The following UGT3A2 variants were observed in gnomAD, a reference collection of about 807,000 sequenced individuals.
UGT3A2 encodes the protein UDP-glycosyltransferase 3A2.
A neutral mutation model predicts 39.8 loss-of-function variants in UGT3A2; 32 were observed. The ratio of observed to expected loss-of-function variants is 0.80; its 90% CI spans 0.61 to 1.08. The LOEUF (loss-of-function observed/expected upper bound fraction) is 1.08, where lower values mean the gene tolerates loss of function less well. Ranked by LOEUF, UGT3A2 falls within the 50% of genes least tolerant of loss-of-function variation. The probability of loss-of-function intolerance (pLI) is 0.00; values close to 1 mark genes in which losing one functional copy is unlikely to be tolerated. For synonymous variants in UGT3A2, 241 were observed against 230.7 expected (o/e 1.04, Z -0.40); for missense variants, 611 against 637.1 (o/e 0.96, Z 0.44).
intron 2 of UGT3A2, among the ~76,000 whole-genome samples, chr5:36,059,234 C>T (rs1048581576): frequency 3.9e-5 from 6 of 152,124 alleles, no homozygotes; most frequent in African/African-American, 1.4e-4. Context: ...AACCCCATTA[C>T]AAGTCTGCTG....
intron 2 of UGT3A2, among the ~76,000 whole-genome samples, chr5:36,053,158 G>A (rs1483469028): frequency 6.6e-6 from 1 of 152,176 alleles, no homozygotes; most frequent in Non-Finnish European, 1.5e-5. Flanking sequence ...CCTCCTCTGA[G>A]GAGATTCATT....
intron 4 of UGT3A2, 32 bp from the exon 5 acceptor site, chr5:36,039,740 C>A: frequency 1.9e-6 from 3 of 1,594,560 alleles, no homozygotes; most frequent in East Asian, 4.5e-5. Flanking sequence ...AAAGAGGTGA[C>A]AAAATTATTG....
In UGT3A2 at chr5:36,035,543, G is replaced by A. The variant is rs1299535507; in HGVS notation, c.*155C>T. 1.8e-6 allele frequency: 2 copies of A among 1,128,088 alleles called. No individual in the cohort carries two copies. Among genetic ancestry groups the A allele is most frequent in the Non-Finnish European group, 2.5e-6 (2 of 807,198 alleles). The allele number at this position is 1,128,088 out of a possible 1,614,324, so 69.9% of individuals were successfully genotyped here. Reference sequence around the variant, plus strand: ...GATGAATTTGTAGCAAAATTAGCAAGTGGAAAGGATGATTTTTGGCCATTT... The same window carrying A: ...GATGAATTTGTAGCAAAATTAGCAAATGGAAAGGATGATTTTTGGCCATTT... On this transcript the variant is annotated 3_prime_UTR_variant, in exon 7 of 7. Transcript: ENST00000282507.
rs1741819536 is a variant in UGT3A2 at position 36,036,082 on chromosome 5, G to T, written c.1296-108C>A. 5.7e-6 allele frequency: 8 copies of T among 1,400,512 alleles called. No individual in the cohort carries two copies. In the East Asian group the frequency reaches 1.7e-4, roughly 30 times the overall value. The allele number at this position is 1,400,512 out of a possible 1,614,324, so 86.8% of individuals were successfully genotyped here. Reference sequence around the variant, plus strand: ...AAAGACTGAGTTCCAAGGAAATTCTGTTGGCTTTGCAGTAATCTACCTGGT... The same window carrying T: ...AAAGACTGAGTTCCAAGGAAATTCTTTTGGCTTTGCAGTAATCTACCTGGT... On this transcript the variant is annotated intron_variant, in intron 6 of 6. Coordinates refer to ENST00000282507, the MANE Select transcript of UGT3A2 (RefSeq NM_174914.4).
chr5:36,051,649 T>A (rs1444742286), intron 3 of UGT3A2, among the ~76,000 whole-genome samples: 1 of 152,144 alleles, frequency 6.6e-6, no homozygotes, highest in East Asian at 1.9e-4. Flanking sequence ...AAGGAAGAAT[T>A]TCCAGGGACT....
intron 4 of UGT3A2, among the ~76,000 whole-genome samples, chr5:36,047,178 T>C (rs1742193813): frequency 6.6e-6 from 1 of 152,218 alleles, no homozygotes; most frequent in Admixed American, 6.5e-5. Context: ...TTCTCCGGCC[T>C]TTCTGGACCA....
At chr5:36,049,462 A>C in intron 3 of UGT3A2, 42 bp from the exon 4 acceptor site, 1 of 1,416,946 alleles carries the variant, frequency 7.1e-7, no homozygotes, top group East Asian at 2.3e-5. Flanking sequence ...GGGAAGTGTT[A>C]AATTTACAGT....
chr5:36,035,357 G>A lies in UGT3A2; in HGVS notation c.*341C>T, dbSNP rs983941354. 4 of 307,012 alleles carry A rather than the reference G, an allele frequency of 1.3e-5. No homozygotes were observed. The highest frequency in any genetic ancestry group is 2.5e-5 in the Non-Finnish European group (4 of 160,962). 19.0% of individuals were successfully genotyped at this position (307,012 alleles called of 1,614,324 possible). A position where few individuals can be genotyped will look rare whatever the true frequency, so the allele number is the denominator to read the frequency against. On this transcript the variant is annotated 3_prime_UTR_variant, in exon 7 of 7. Transcript: ENST00000282507. ...GCTGGAAGAGTCAGGGTGTGATTCG[G>A]AGAGGCGCATGAGAAGGAAGGTGGA...
At chr5:36,062,897 C>T (rs1043600538) in intron 2 of UGT3A2, among the ~76,000 whole-genome samples, 11 of 151,980 alleles carry the variant, frequency 7.2e-5, no homozygotes, top group African/African-American at 1.9e-4. Flanking sequence ...AAAAATTAGC[C>T]GAGCATGGTG....
At chr5:36,036,860 C>T (rs1741847058) in intron 6 of UGT3A2, among the ~76,000 whole-genome samples, 1 of 152,112 alleles carries the variant, frequency 6.6e-6, no homozygotes, top group South Asian at 2.1e-4. Flanking sequence ...TTATTCAGTC[C>T]TTTTTACTTA....
At chr5:36,039,369 C>A (rs1741929337) in intron 5 of UGT3A2, 108 bp downstream of exon 5, 3 of 1,109,220 alleles carry the variant, frequency 2.7e-6, no homozygotes, top group African/African-American at 3.1e-5. Context: ...CTGAGCCTTA[C>A]CTGTACCATT....
Position 36,035,668 on chromosome 5 carries a change from A to T in UGT3A2, c.*30T>A. 6.2e-7 allele frequency: 1 copy of T among 1,605,338 alleles called. No homozygotes were observed. Among genetic ancestry groups the T allele is most frequent in the South Asian group, 1.1e-5 (1 of 90,480 alleles). On this transcript the variant is annotated 3_prime_UTR_variant, in exon 7 of 7. Transcript: ENST00000282507. ...CCTAGAAATGGTGACATCGCCCACCAAACAGACCCCGCCAAGGCTGCACCT... is the reference window on the plus strand; with the variant it reads ...CCTAGAAATGGTGACATCGCCCACCTAACAGACCCCGCCAAGGCTGCACCT...
At chr5:36,063,572 A>C (rs1313367314) in intron 2 of UGT3A2, among the ~76,000 whole-genome samples, 1 of 152,240 alleles carries the variant, frequency 6.6e-6, no homozygotes, top group East Asian at 1.9e-4. Flanking sequence ...AAAGTAATCT[A>C]TAAAAAGAAC....
intron 5 of UGT3A2, among the ~76,000 whole-genome samples, chr5:36,038,517 CCTCA>C: frequency 6.6e-6 from 1 of 152,286 alleles, no homozygotes. Flanking sequence ...CGTATGGTGT[CCTCA>C]ATTATAAGAG....
intron 5 of UGT3A2, 114 bp from the exon 6 acceptor site, chr5:36,038,130 T>C: frequency 9.3e-7 from 1 of 1,073,072 alleles, no homozygotes; most frequent in Non-Finnish European, 1.3e-6. Context: ...GTTGGAGACA[T>C]TGTATCTAAT....
chr5:36,054,641 G>A (rs1024000410), intron 2 of UGT3A2, among the ~76,000 whole-genome samples: 1 of 152,040 alleles, frequency 6.6e-6, no homozygotes, highest in South Asian at 2.1e-4. Context: ...AGTGGGACAG[G>A]CATAGGATAC....
At chr5:36,057,123 TGTCA>T (rs1050987680) in intron 2 of UGT3A2, among the ~76,000 whole-genome samples, 4 of 152,236 alleles carry the variant, frequency 2.6e-5, no homozygotes, top group African/African-American at 9.6e-5. Context: ...CAGTAGTACA[TGTCA>T]GTATTAGAAA....
At chr5:36,039,003 C>T (rs1741919376) in intron 5 of UGT3A2, among the ~76,000 whole-genome samples, 1 of 152,202 alleles carries the variant, frequency 6.6e-6, no homozygotes, top group Admixed American at 6.5e-5. Context: ...GTAGAAGTTG[C>T]TCAGACCCTT....
chr5:36,060,308 C>T (rs893642246), intron 2 of UGT3A2, among the ~76,000 whole-genome samples: 3 of 152,188 alleles, frequency 2.0e-5, no homozygotes, highest in Admixed American at 6.5e-5. Flanking sequence ...CTCAGTATAC[C>T]ACTGGAGGCT....
Sources: gnomAD v4.1 joint callset for allele counts (sites outside exome capture counted in the v4.1 genomes callset) on GRCh38, gnomAD v4.1.1 for gene constraint, MANE v1.5 for transcripts, NCBI Gene and HGNC (gene_info 2026-07-23, HGNC 2026-07-21) for gene names.